Variants in TCF12 observed in about 807,000 individuals in gnomAD.
TCF12 encodes DNA-binding protein HTF4.
TCF12 carries 45 observed loss-of-function variants against 86.0 expected under a neutral mutation model. The ratio of observed to expected loss-of-function variants is 0.52; its 90% CI spans 0.41 to 0.67. The LOEUF (loss-of-function observed/expected upper bound fraction) is 0.67. Among genes scored for constraint, TCF12 ranks in the 30% least tolerant of loss-of-function variants. The pLI is 0.00. For missense variants in TCF12, 881 were observed against 859.9 expected, an observed-to-expected ratio of 1.02 and a Z score of -0.31; for synonymous variants, 330 against 299.6, an observed-to-expected ratio of 1.10 and a Z score of -1.05.
At chr15:56,952,869 G>T (rs1478207304) in intron 3 of TCF12, among the ~76,000 whole-genome samples, 2 of 151,974 alleles carry the variant, frequency 1.3e-5, no homozygotes, top group African/African-American at 2.4e-5. Context: ...TTGCCTGATT[G>T]TACTTTCCAG....
intron 3 of TCF12, among the ~76,000 whole-genome samples, chr15:57,022,151 T>C (rs2065529941): frequency 6.6e-6 from 1 of 152,220 alleles, no homozygotes; most frequent in African/African-American, 2.4e-5. Flanking sequence ...ATGTGCCATG[T>C]TGGTTTGCTG....
chr15:57,114,782 G>A (rs2050728452), intron 5 of TCF12, among the ~76,000 whole-genome samples: 1 of 152,146 alleles, frequency 6.6e-6, no homozygotes, highest in Non-Finnish European at 1.5e-5. Context: ...TCACAATATA[G>A]TTGGTTGAGT....
intron 3 of TCF12, among the ~76,000 whole-genome samples, chr15:57,012,697 G>C (rs1220705445): frequency 1.3e-5 from 2 of 152,106 alleles, no homozygotes; most frequent in Admixed American, 6.5e-5. Context: ...TCAATTTCTA[G>C]GCCCTTATAT....
chr15:56,964,214 G>A lies in TCF12; in HGVS notation c.148+43116G>A, dbSNP rs550575372. 2.0e-5 allele frequency among the ~76,000 whole-genome samples: 3 copies of A among 152,280 alleles called. No individual in the cohort carries two copies. In the South Asian group the frequency reaches 6.2e-4, roughly 32 times the overall value. On this transcript the variant is annotated intron_variant, in intron 3 of 20. Transcript: ENST00000333725. Reference sequence around the variant, plus strand: ...GTAATGTTTTAGCTGGCCTAAAATTGTCTAAAGTTTTGGTAGAATCAGTGT... The same window carrying A: ...GTAATGTTTTAGCTGGCCTAAAATTATCTAAAGTTTTGGTAGAATCAGTGT...
chr15:57,011,339 C>G (rs2064817243), intron 3 of TCF12, among the ~76,000 whole-genome samples: 1 of 151,944 alleles, frequency 6.6e-6, no homozygotes, highest in Non-Finnish European at 1.5e-5. Flanking sequence ...AGTCAGGGAT[C>G]CACCCCCTCT....
At chr15:57,259,711 A>T (rs1208079132) in intron 16 of TCF12, among the ~76,000 whole-genome samples, 1 of 152,230 alleles carries the variant, frequency 6.6e-6, no homozygotes. Context: ...CTCCCCTAAC[A>T]GCGGCAGCCT....
At chr15:57,119,988 C>T (rs1270485462) in intron 5 of TCF12, among the ~76,000 whole-genome samples, 1 of 152,208 alleles carries the variant, frequency 6.6e-6, no homozygotes, top group African/African-American at 2.4e-5. Flanking sequence ...CTACTATTTA[C>T]CTGCTTATAA....
intron 3 of TCF12, among the ~76,000 whole-genome samples, chr15:56,999,058 C>T (rs1401393136): frequency 2.6e-5 from 4 of 151,818 alleles, no homozygotes; most frequent in Non-Finnish European, 5.9e-5. Flanking sequence ...ATTAGCTGGG[C>T]GTGGTGGCGG....
At chr15:57,036,492 T>C (rs1230611652) in intron 3 of TCF12, among the ~76,000 whole-genome samples, 1 of 152,188 alleles carries the variant, frequency 6.6e-6, no homozygotes, top group Admixed American at 6.5e-5. Flanking sequence ...GGTTCTAATT[T>C]TCCAAATCCT....
intron 4 of TCF12, among the ~76,000 whole-genome samples, chr15:57,076,650 AAAG>A (rs1329156644): frequency 1.3e-5 from 2 of 149,146 alleles, no homozygotes; most frequent in Admixed American, 6.6e-5. Flanking sequence ...AAAAAAAAAA[AAAG>A]AAAAGAAAGG....
At chr15:56,950,109 G>A (rs1233500952) in intron 3 of TCF12, among the ~76,000 whole-genome samples, 1 of 152,130 alleles carries the variant, frequency 6.6e-6, no homozygotes, top group Non-Finnish European at 1.5e-5. Context: ...CTTCTCCTGT[G>A]CATTTGTTAA....
chr15:57,171,447 A>G (rs1366878841), intron 6 of TCF12, among the ~76,000 whole-genome samples: 1 of 152,220 alleles, frequency 6.6e-6, no homozygotes, highest in African/African-American at 2.4e-5. Context: ...CAAGCGACAA[A>G]AAAAATCCAA....
chr15:57,259,553 A>G (rs2060492142), intron 16 of TCF12, among the ~76,000 whole-genome samples: 1 of 152,264 alleles, frequency 6.6e-6, no homozygotes, highest in South Asian at 2.1e-4. Flanking sequence ...GGGTGCTTCC[A>G]GAAAAGTAAG....
At chr15:57,087,599 A>G (rs2048735055) in intron 4 of TCF12, among the ~76,000 whole-genome samples, 1 of 152,100 alleles carries the variant, frequency 6.6e-6, no homozygotes, top group African/African-American at 2.4e-5. Flanking sequence ...ACATTTTATA[A>G]TATCAAAGCT....
intron 6 of TCF12, among the ~76,000 whole-genome samples, chr15:57,189,746 A>G (rs1378988346): frequency 6.6e-6 from 1 of 152,230 alleles, no homozygotes; most frequent in Non-Finnish European, 1.5e-5. Flanking sequence ...TATATACCCA[A>G]AAGAATTGAA....
At chr15:56,995,473 A>G (rs1239638122) in intron 3 of TCF12, among the ~76,000 whole-genome samples, 6 of 151,680 alleles carry the variant, frequency 4.0e-5, no homozygotes, top group African/African-American at 1.2e-4. Context: ...TATTTGTGTC[A>G]TCTCCGATTT....
intron 20 of TCF12, among the ~76,000 whole-genome samples, chr15:57,283,678 A>C (rs1205510279): frequency 6.6e-6 from 1 of 152,262 alleles, no homozygotes; most frequent in Non-Finnish European, 1.5e-5. Flanking sequence ...GGAACAGAAA[A>C]AAATATCAAG....
chr15:57,251,455 A>T, intron 14 of TCF12, 32 bp downstream of exon 14: 1 of 1,606,004 alleles, frequency 6.2e-7, no homozygotes, highest in Non-Finnish European at 8.5e-7. Context: ...GTTTTATCTG[A>T]TAGCTTAGAG....
chr15:57,194,732 C>T (rs1181371777), intron 7 of TCF12, among the ~76,000 whole-genome samples: 2 of 152,112 alleles, frequency 1.3e-5, no homozygotes, highest in African/African-American at 4.8e-5. Context: ...CTCCCCTAAG[C>T]GTCTTTCACG....
Sources: gnomAD v4.1 joint callset for allele counts (sites outside exome capture counted in the v4.1 genomes callset) on GRCh38, gnomAD v4.1.1 for gene constraint, MANE v1.5 for transcripts, NCBI Gene and HGNC (gene_info 2026-07-23, HGNC 2026-07-21) for gene names.